Variants in PDSS2 observed in about 807,000 individuals in gnomAD.
The protein encoded by PDSS2 is decaprenyl diphosphate synthase subunit 2, also known as all trans-polyprenyl-diphosphate synthase PDSS2.
Under a neutral mutation model 44.5 loss-of-function variants are expected in PDSS2, and 31 were observed. The observed-to-expected ratio is 0.70, with a 90% CI of 0.52 to 0.94. The LOEUF (loss-of-function observed/expected upper bound fraction) is 0.94, where lower values mean the gene tolerates loss of function less well. Ranked by LOEUF, PDSS2 falls within the 40% of genes least tolerant of loss-of-function variation. The pLI, the probability that PDSS2 is intolerant of heterozygous loss-of-function variation, is 0.00. For missense variants in PDSS2, 452 were observed against 482.2 expected, an observed-to-expected ratio of 0.94 and a Z score of 0.59; for synonymous variants, 157 against 180.3, an observed-to-expected ratio of 0.87 and a Z score of 1.03.
At chr6:107,454,242 T>A (rs1226282484) in intron 1 of PDSS2, among the ~76,000 whole-genome samples, 3 of 152,046 alleles carry the variant, frequency 2.0e-5, no homozygotes, top group African/African-American at 7.2e-5. Flanking sequence ...GAGATGGGGT[T>A]TCACCATGTT....
At chr6:107,362,572 G>A (rs1322160053) in intron 1 of PDSS2, among the ~76,000 whole-genome samples, 1 of 152,166 alleles carries the variant, frequency 6.6e-6, no homozygotes, top group Non-Finnish European at 1.5e-5. Context: ...CAACAGAAGG[G>A]AAAAGTGAGA....
chr6:107,354,510 G>A (rs1193696015), intron 1 of PDSS2, among the ~76,000 whole-genome samples: 1 of 152,154 alleles, frequency 6.6e-6, no homozygotes, highest in African/African-American at 2.4e-5. Flanking sequence ...TAACTTGCTG[G>A]GTACTATTTG....
intron 7 of PDSS2, among the ~76,000 whole-genome samples, chr6:107,158,768 G>A (rs563196148): frequency 8.0e-5 from 12 of 150,820 alleles, no homozygotes; most frequent in East Asian, 3.9e-4. Flanking sequence ...CACTCTTGTC[G>A]CCTAGATTGG....
At chr6:107,210,962 C>G (rs1015231770) in intron 5 of PDSS2, among the ~76,000 whole-genome samples, 2 of 150,678 alleles carry the variant, frequency 1.3e-5, no homozygotes, top group Admixed American at 6.6e-5. Context: ...CGCCACTGCA[C>G]TCCCCTCTGG....
chr6:107,435,281 AACACAC>A (rs57353175), intron 1 of PDSS2, among the ~76,000 whole-genome samples: 46,024 of 133,400 alleles, frequency 0.35, 8,780 homozygotes, highest in Middle Eastern at 0.48. Flanking sequence ...ACTGCCTCAA[AACACAC>A]ACACACACAC....
intron 1 of PDSS2, among the ~76,000 whole-genome samples, chr6:107,335,714 T>TA (rs1777864633): frequency 6.6e-6 from 1 of 152,104 alleles, no homozygotes; most frequent in East Asian, 1.9e-4. Context: ...GGCATTGTTT[T>TA]AAAAAATTAG....
At chr6:107,346,088 C>A (rs1778238435) in intron 1 of PDSS2, among the ~76,000 whole-genome samples, 1 of 152,088 alleles carries the variant, frequency 6.6e-6, no homozygotes, top group Admixed American at 6.5e-5. Flanking sequence ...TTATTTATGT[C>A]CATAGAAAAA....
At chr6:107,422,526 CAGTACT>C (rs1780859096) in intron 1 of PDSS2, among the ~76,000 whole-genome samples, 1 of 151,860 alleles carries the variant, frequency 6.6e-6, no homozygotes, top group Non-Finnish European at 1.5e-5. Flanking sequence ...AATTCCATCA[CAGTACT>C]ATCTATAATA....
At chr6:107,179,482 T>C (rs913985998) in intron 7 of PDSS2, among the ~76,000 whole-genome samples, 1 of 150,494 alleles carries the variant, frequency 6.6e-6, no homozygotes, top group Non-Finnish European at 1.5e-5. Flanking sequence ...GGTTTCACCA[T>C]GTTGGTCAGG....
chr6:107,201,161 T>C (rs1772757100), intron 6 of PDSS2, among the ~76,000 whole-genome samples: 1 of 152,096 alleles, frequency 6.6e-6, no homozygotes, highest in South Asian at 2.1e-4. Context: ...TAAAAGGGAT[T>C]CACTCATCTT....
intron 4 of PDSS2, among the ~76,000 whole-genome samples, chr6:107,216,035 G>A (rs1422168707): frequency 6.6e-6 from 1 of 151,982 alleles, no homozygotes; most frequent in African/African-American, 2.4e-5. Context: ...TACTTGGGAG[G>A]CTGAGGCAGG....
At chr6:107,379,831 T>C (rs1405966741) in intron 1 of PDSS2, among the ~76,000 whole-genome samples, 1 of 152,116 alleles carries the variant, frequency 6.6e-6, no homozygotes, top group Non-Finnish European at 1.5e-5. Flanking sequence ...GAAAATACTT[T>C]TTGTTAATAG....
At chr6:107,344,132 T>C (rs778384333) in intron 1 of PDSS2, among the ~76,000 whole-genome samples, 9 of 152,212 alleles carry the variant, frequency 5.9e-5, no homozygotes, top group Admixed American at 1.3e-4. Context: ...ACTTCACTTT[T>C]AATTTCTCTG....
intron 7 of PDSS2, among the ~76,000 whole-genome samples, chr6:107,178,677 A>G (rs1771873715): frequency 6.6e-6 from 1 of 151,832 alleles, no homozygotes; most frequent in African/African-American, 2.4e-5. Context: ...TACAACAACA[A>G]CTTTTTGTAG....
At chr6:107,282,825 T>C (rs1776010161) in intron 2 of PDSS2, among the ~76,000 whole-genome samples, 1 of 144,946 alleles carries the variant, frequency 6.9e-6, no homozygotes, top group Non-Finnish European at 1.5e-5. Flanking sequence ...GCTGAGTTCG[T>C]GCCATTGCAC....
At chr6:107,218,377 G>T (rs1204105134) in intron 4 of PDSS2, among the ~76,000 whole-genome samples, 1 of 152,052 alleles carries the variant, frequency 6.6e-6, no homozygotes, top group African/African-American at 2.4e-5. Context: ...TTGCTGTTCT[G>T]CAGATACACT....
intron 7 of PDSS2, among the ~76,000 whole-genome samples, chr6:107,156,433 A>G (rs1770900266): frequency 2.0e-5 from 3 of 151,960 alleles, no homozygotes; most frequent in Admixed American, 6.6e-5. Flanking sequence ...TGACCTTGTG[A>G]TCCGCCCACC....
intron 7 of PDSS2, among the ~76,000 whole-genome samples, chr6:107,182,857 CAA>C: frequency 6.6e-6 from 1 of 152,024 alleles, no homozygotes; most frequent in Admixed American, 6.6e-5. Flanking sequence ...ATGTAGTTGC[CAA>C]GAGAAAAATA....
chr6:107,207,145 A>G (rs1313437548), intron 6 of PDSS2, among the ~76,000 whole-genome samples: 1 of 150,948 alleles, frequency 6.6e-6, no homozygotes, highest in African/African-American at 2.5e-5. Flanking sequence ...GGCGCCCGCC[A>G]CTGTGCCCGA....
Sources: gnomAD v4.1 joint callset for allele counts (sites outside exome capture counted in the v4.1 genomes callset) on GRCh38, gnomAD v4.1.1 for gene constraint, MANE v1.5 for transcripts, NCBI Gene and HGNC (gene_info 2026-07-23, HGNC 2026-07-21) for gene names.